RPS6KC1: variants seen among roughly 807,000 people sequenced by gnomAD.
The protein encoded by RPS6KC1 is ribosomal protein S6 kinase C1, also known as inactive ribosomal protein S6 kinase delta-1.
RPS6KC1 carries 54 observed loss-of-function variants against 103.8 expected under a neutral mutation model. The observed-to-expected ratio is 0.52, with a 90% CI of 0.42 to 0.65. RPS6KC1 has a LOEUF of 0.65. Among genes scored for constraint, RPS6KC1 ranks in the 30% least tolerant of loss-of-function variants. The probability of loss-of-function intolerance (pLI) is 0.00; values close to 1 mark genes in which losing one functional copy is unlikely to be tolerated. For synonymous variants in RPS6KC1, 439 were observed against 438.7 expected, an observed-to-expected ratio of 1.00 and a Z score of -0.01; for missense variants, 1,151 against 1,253.8, an observed-to-expected ratio of 0.92 and a Z score of 1.24.
chr1:213,262,676 A>G, intron 13 of RPS6KC1, 45 bp from the exon 14 acceptor site: 3 of 1,201,204 alleles, frequency 2.5e-6, no homozygotes, highest in Non-Finnish European at 3.7e-6. Flanking sequence ...AGAACAAAAT[A>G]TGATGTTATT....
chr1:213,236,069 A>G (rs991346481), intron 10 of RPS6KC1, among the ~76,000 whole-genome samples: 2 of 152,098 alleles, frequency 1.3e-5, no homozygotes, highest in African/African-American at 4.8e-5. Flanking sequence ...TTCTCATAGG[A>G]GCACAAACCC....
chr1:213,474,177 G>A, the RPS6KC1 span, among the ~76,000 whole-genome samples: 2 of 152,128 alleles, frequency 1.3e-5, no homozygotes, highest in Non-Finnish European at 2.9e-5. Flanking sequence ...GGGTTCGGGG[G>A]TAGATGGAGC....
chr1:213,166,913 A>G (rs1033849502), intron 6 of RPS6KC1, among the ~76,000 whole-genome samples: 4 of 152,052 alleles, frequency 2.6e-5, no homozygotes, highest in South Asian at 2.1e-4. Context: ...ATTTCTTTCT[A>G]TTTTTTCTTT....
At chr1:213,694,504 C>T in the RPS6KC1 span, among the ~76,000 whole-genome samples, 2 of 152,184 alleles carry the variant, frequency 1.3e-5, no homozygotes, top group Non-Finnish European at 2.9e-5. Context: ...CAGCAGGTGA[C>T]AATTTAACTA....
chr1:213,754,920 T>C, the RPS6KC1 span, among the ~76,000 whole-genome samples: 1 of 152,244 alleles, frequency 6.6e-6, no homozygotes, highest in African/African-American at 2.4e-5. Context: ...GACACAATTG[T>C]AGATGATTTA....
At chr1:213,440,843 T>A in the RPS6KC1 span, among the ~76,000 whole-genome samples, 1 of 152,162 alleles carries the variant, frequency 6.6e-6, no homozygotes, top group Non-Finnish European at 1.5e-5. Flanking sequence ...TTCCCACCCA[T>A]CACCCTAGTT....
chr1:213,427,093 T>TC, the RPS6KC1 span, among the ~76,000 whole-genome samples: 1 of 152,236 alleles, frequency 6.6e-6, no homozygotes, highest in East Asian at 1.9e-4. Flanking sequence ...GCACAAACTC[T>TC]CCCACTTCAG....
chr1:213,368,419 T>A, the RPS6KC1 span, among the ~76,000 whole-genome samples: 5 of 152,326 alleles, frequency 3.3e-5, no homozygotes, highest in Admixed American at 6.5e-5. Flanking sequence ...GCGCCTGCTA[T>A]ACACAGCTGA....
chr1:213,789,441 G>A, the RPS6KC1 span, among the ~76,000 whole-genome samples: 3 of 152,308 alleles, frequency 2.0e-5, no homozygotes, highest in East Asian at 5.8e-4. Context: ...TTCATGAGCT[G>A]TCAAGGACCA....
At chr1:213,421,572 C>T in the RPS6KC1 span, among the ~76,000 whole-genome samples, 1 of 152,250 alleles carries the variant, frequency 6.6e-6, no homozygotes, top group Non-Finnish European at 1.5e-5. Context: ...TATGTTCTAA[C>T]CCTGGGGCTC....
the RPS6KC1 span, among the ~76,000 whole-genome samples, chr1:213,562,482 C>T: frequency 2.0e-5 from 3 of 146,864 alleles, no homozygotes; most frequent in Non-Finnish European, 4.5e-5. Context: ...CTCCGCCTCC[C>T]GGGTTCACGC....
chr1:213,137,188 T>C (rs1376744406), intron 6 of RPS6KC1, among the ~76,000 whole-genome samples: 1 of 152,112 alleles, frequency 6.6e-6, no homozygotes, highest in Non-Finnish European at 1.5e-5. Flanking sequence ...CTTTGGCCTT[T>C]CACTGCCACA....
chr1:213,415,840 C>T, the RPS6KC1 span, among the ~76,000 whole-genome samples: 1 of 152,214 alleles, frequency 6.6e-6, no homozygotes, highest in Non-Finnish European at 1.5e-5. Context: ...GATGATGAGG[C>T]CTCATGCTTC....
chr1:213,425,620 G>T, the RPS6KC1 span, among the ~76,000 whole-genome samples: 1 of 152,174 alleles, frequency 6.6e-6, no homozygotes, highest in African/African-American at 2.4e-5. Context: ...AAACGGCAAG[G>T]CGCACACCCA....
the RPS6KC1 span, among the ~76,000 whole-genome samples, chr1:213,618,998 G>A: frequency 2.0e-5 from 3 of 152,162 alleles, no homozygotes; most frequent in Non-Finnish European, 4.4e-5. Context: ...AGAGAGCAAG[G>A]ACATATAAAT....
At chr1:213,345,375 C>G in the RPS6KC1 span, among the ~76,000 whole-genome samples, 1 of 152,168 alleles carries the variant, frequency 6.6e-6, no homozygotes, top group African/African-American at 2.4e-5. Context: ...ATTTAAACTT[C>G]CTTTGAGTCT....
chr1:213,522,737 T>A, the RPS6KC1 span, among the ~76,000 whole-genome samples: 2 of 152,300 alleles, frequency 1.3e-5, no homozygotes, highest in African/African-American at 4.8e-5. Context: ...TTCTAGAGCT[T>A]CCTCACCTCT....
chr1:213,105,000 C>G (rs1248298177), intron 4 of RPS6KC1, among the ~76,000 whole-genome samples: 1 of 151,882 alleles, frequency 6.6e-6, no homozygotes, highest in East Asian at 1.9e-4. Flanking sequence ...TAGTACTTAC[C>G]TTCACTTTTT....
chr1:213,364,243 CT>C, the RPS6KC1 span, among the ~76,000 whole-genome samples: 103 of 152,318 alleles, frequency 6.8e-4, no homozygotes, highest in African/African-American at 2.4e-3. Context: ...TTGTCCACCC[CT>C]AATTTAGTGA....
Sources: allele counts gnomAD v4.1 joint callset (sites outside exome capture counted in the v4.1 genomes callset), GRCh38; gene constraint gnomAD v4.1.1; transcripts MANE v1.5; gene names NCBI Gene and HGNC (gene_info 2026-07-23, HGNC 2026-07-21).